NUMB: variants seen among roughly 807,000 people sequenced by gnomAD.
NUMB encodes protein numb homolog.
NUMB carries 29 observed loss-of-function variants against 59.7 expected under a neutral mutation model. The ratio of observed to expected loss-of-function variants is 0.49; its 90% CI spans 0.36 to 0.66. The LOEUF is 0.66. NUMB is among the 30% of genes least tolerant of loss of function. NUMB has a pLI of 0.00. For synonymous variants in NUMB, 288 were observed against 288.2 expected (o/e 1.00, Z 0.01); for missense variants, 723 against 822.0 (o/e 0.88, Z 1.47).
chr14:73,330,867 G>A (rs1891938724), intron 4 of NUMB, among the ~76,000 whole-genome samples: 1 of 152,136 alleles, frequency 6.6e-6, no homozygotes, highest in African/African-American at 2.4e-5. Flanking sequence ...CCTATGACAG[G>A]CTGTCTGCAA....
At chr14:73,326,704 T>C (rs893629358) in intron 4 of NUMB, among the ~76,000 whole-genome samples, 1 of 152,074 alleles carries the variant, frequency 6.6e-6, no homozygotes, top group Non-Finnish European at 1.5e-5. Context: ...AGTAAGAACT[T>C]GTAGCCTGAG....
intron 3 of NUMB, among the ~76,000 whole-genome samples, chr14:73,358,631 G>GC (rs1893942056): frequency 9.5e-6 from 1 of 105,502 alleles, no homozygotes; most frequent in Non-Finnish European, 2.0e-5. Context: ...TTTTTGACAA[G>GC]CCCCTACCTG....
At chr14:73,313,668 GAAAA>G (rs10582204) in intron 6 of NUMB, among the ~76,000 whole-genome samples, 6 of 124,120 alleles carry the variant, frequency 4.8e-5, no homozygotes, top group African/African-American at 9.7e-5. Context: ...TCCAAAATCT[GAAAA>G]AAAAAAAAAA....
At chr14:73,362,593 C>T (rs1025126913) in intron 3 of NUMB, among the ~76,000 whole-genome samples, 1 of 151,968 alleles carries the variant, frequency 6.6e-6, no homozygotes, top group Non-Finnish European at 1.5e-5. Flanking sequence ...CAGGTGCGCA[C>T]CACCATGCCC....
intron 1 of NUMB, among the ~76,000 whole-genome samples, chr14:73,429,147 G>A (rs868497552): frequency 6.6e-5 from 10 of 152,040 alleles, no homozygotes; most frequent in South Asian, 4.2e-4. Context: ...CGAGGCGGGC[G>A]GATCGCGAGG....
chr14:73,279,549 G>C, intron 11 of NUMB, 125 bp from the exon 12 acceptor site: 1 of 872,404 alleles, frequency 1.1e-6, no homozygotes. Context: ...AAGAGTTGAT[G>C]TTTGGGAAAA....
rs140689368 is a variant in NUMB at position 73,373,345 on chromosome 14, A to G, written c.-100-6364T>C. Among the ~76,000 whole-genome samples, 860 of 152,346 alleles carry G rather than the reference A, an allele frequency of 5.6e-3. 9 individuals carry two copies. Among genetic ancestry groups the G allele is most frequent in the African/African-American group, 0.02 (823 of 41,582 alleles). ...AGGGCAGGACCCAGTAGGTAGAATT[A>G]TAAGTCCCTGCCCTGTCTTCAGTTA... On this transcript the variant is annotated intron_variant, in intron 2 of 12. Coordinates refer to ENST00000555238, the MANE Select transcript of NUMB (RefSeq NM_001005743.2).
intron 1 of NUMB, among the ~76,000 whole-genome samples, chr14:73,446,137 T>TA (rs1244926499): frequency 6.6e-6 from 1 of 151,484 alleles, no homozygotes; most frequent in Non-Finnish European, 1.5e-5. Flanking sequence ...GCTGGGACTA[T>TA]AAGCACTCCC....
At chr14:73,317,934 A>C (rs556075642) in intron 5 of NUMB, among the ~76,000 whole-genome samples, 29 of 152,350 alleles carry the variant, frequency 1.9e-4, no homozygotes, top group African/African-American at 7.0e-4. Context: ...CACAATTCAT[A>C]AACTATTCAG....
intron 6 of NUMB, among the ~76,000 whole-genome samples, chr14:73,312,068 C>A (rs1182882887): frequency 6.6e-6 from 1 of 152,090 alleles, no homozygotes; most frequent in African/African-American, 2.4e-5. Flanking sequence ...TATAAAATCA[C>A]CATGACATAA....
intron 1 of NUMB, among the ~76,000 whole-genome samples, chr14:73,414,783 G>C (rs1897053810): frequency 6.6e-6 from 1 of 152,068 alleles, no homozygotes; most frequent in Non-Finnish European, 1.5e-5. Flanking sequence ...GCAGTAGCGT[G>C]ATCTCAGCTC....
chr14:73,410,915 G>A (rs1170820299), intron 1 of NUMB, among the ~76,000 whole-genome samples: 1 of 152,200 alleles, frequency 6.6e-6, no homozygotes, highest in South Asian at 2.1e-4. Flanking sequence ...CCTCTGAAAA[G>A]CTCCCAATTT....
chr14:73,432,093 TTC>T (rs1897856402), intron 1 of NUMB, among the ~76,000 whole-genome samples: 1 of 152,152 alleles, frequency 6.6e-6, no homozygotes, highest in South Asian at 2.1e-4. Flanking sequence ...TAACTTTTAA[TTC>T]TATTCATTCA....
At chr14:73,353,615 G>C in intron 4 of NUMB, among the ~76,000 whole-genome samples, 1 of 150,764 alleles carries the variant, frequency 6.6e-6, no homozygotes, top group South Asian at 2.1e-4. Context: ...GGGAGGCTGA[G>C]GCAGGAGAAT....
chr14:73,307,642 G>A (rs906584127), intron 6 of NUMB, among the ~76,000 whole-genome samples: 12 of 151,894 alleles, frequency 7.9e-5, no homozygotes, highest in African/African-American at 2.9e-4. Flanking sequence ...TGGCCTACAA[G>A]GCCTAAAAGA....
intron 2 of NUMB, chr14:73,409,580 C>T (rs763979704): frequency 2.0e-5 from 3 of 152,208 alleles, no homozygotes; most frequent in Non-Finnish European, 1.5e-5. Flanking sequence ...AAGCCTTGCT[C>T]AAACTGCAAA....
chr14:73,368,325 C>G lies in NUMB; in HGVS notation c.-100-1344G>C, dbSNP rs191858423. Among the ~76,000 whole-genome samples the G allele has an allele frequency of 1.7e-3, 263 of 152,196 alleles. 2 individuals are homozygous for G. The highest frequency in any genetic ancestry group is 3.7e-3 in the Admixed American group (56 of 15,294). On this transcript the variant is annotated intron_variant, in intron 2 of 12. Coordinates refer to ENST00000555238, the MANE Select transcript of NUMB (RefSeq NM_001005743.2). ...GCACAGTGGCTCACGCCTGTTAATC[C>G]CAGCACTTTGGGAGGCCGAGGCAAG...
At chr14:73,388,939 A>G (rs1895687419) in intron 2 of NUMB, among the ~76,000 whole-genome samples, 1 of 152,044 alleles carries the variant, frequency 6.6e-6, no homozygotes, top group Admixed American at 6.5e-5. Context: ...CTACCAAACA[A>G]AATACAAAAA....
At chr14:73,402,566 A>G (rs975469215) in intron 2 of NUMB, among the ~76,000 whole-genome samples, 1 of 152,170 alleles carries the variant, frequency 6.6e-6, no homozygotes, top group Non-Finnish European at 1.5e-5. Context: ...CTCTACCCCA[A>G]TGTCCACATA....
Sources: gnomAD v4.1 joint callset for allele counts (sites outside exome capture counted in the v4.1 genomes callset) on GRCh38, gnomAD v4.1.1 for gene constraint, MANE v1.5 for transcripts, NCBI Gene and HGNC (gene_info 2026-07-23, HGNC 2026-07-21) for gene names.